CAPN13: variants seen among roughly 807,000 people sequenced by gnomAD.
CAPN13 encodes calpain 13.
CAPN13 carries 90 observed loss-of-function variants against 98.4 expected under a neutral mutation model. That is an observed-to-expected ratio of 0.92 (90% CI 0.77 to 1.09). The LOEUF (loss-of-function observed/expected upper bound fraction) is 1.09, where lower values mean the gene tolerates loss of function less well. CAPN13 is among the 50% of genes least tolerant of loss of function. CAPN13 has a pLI of 0.00. For missense variants in CAPN13, 887 were observed against 841.3 expected, an observed-to-expected ratio of 1.05 and a Z score of -0.67; for synonymous variants, 330 against 305.5, an observed-to-expected ratio of 1.08 and a Z score of -0.84.
chr2:30,777,441 G>T, intron 3 of CAPN13, 126 bp downstream of exon 3: 1 of 796,664 alleles, frequency 1.3e-6, no homozygotes, highest in Non-Finnish European at 2.1e-6. Context: ...GGCGTGAGCA[G>T]TTTGTCCACG....
intron 8 of CAPN13, among the ~76,000 whole-genome samples, chr2:30,755,085 C>A (rs191459670): frequency 1.3e-5 from 2 of 152,164 alleles, no homozygotes; most frequent in East Asian, 3.9e-4. Context: ...CTCTTGAATT[C>A]TACTCTCCAG....
At chr2:30,758,799 C>CCTCCCTCCCTCCCTCCCTTTCCTTA (rs1672614458) in intron 7 of CAPN13, among the ~76,000 whole-genome samples, 1 of 92,072 alleles carries the variant, frequency 1.1e-5, no homozygotes, top group Admixed American at 1.1e-4. Flanking sequence ...TCCTTTCCTT[C>CCTCCCTCCCTCCCTCCCTTTCCTTA]CTCCCTCCCT....
At chr2:30,802,876 G>A (rs1675372045) in intron 1 of CAPN13, among the ~76,000 whole-genome samples, 1 of 152,198 alleles carries the variant, frequency 6.6e-6, no homozygotes, top group African/African-American at 2.4e-5. Context: ...GAGCTGTGGG[G>A]AATCCCCACG....
Position 30,787,342 on chromosome 2 carries a change from C to T in CAPN13, c.-17G>A, listed in dbSNP as rs1389991850. 5 of 1,599,896 alleles carry T rather than the reference C, an allele frequency of 3.1e-6. No homozygotes were observed. Among genetic ancestry groups the T allele is most frequent in the South Asian group, 1.1e-5 (1 of 88,316 alleles). ...ATACGCCATGACTCTCCTTAGAAGA[C>T]TTCCGAGGTCCTTTCCTGTTGGTGA... On this transcript the variant is annotated 5_prime_UTR_variant, in exon 2 of 23. Transcript: ENST00000295055.
At chr2:30,796,701 A>G (rs1451977993) in intron 1 of CAPN13, among the ~76,000 whole-genome samples, 2 of 152,226 alleles carry the variant, frequency 1.3e-5, no homozygotes, top group Non-Finnish European at 2.9e-5. Context: ...TAAAAAGTTA[A>G]CTATGCAAGT....
chr2:30,724,440 T>C (rs959928935), intron 22 of CAPN13, among the ~76,000 whole-genome samples: 2 of 152,180 alleles, frequency 1.3e-5, no homozygotes, highest in Non-Finnish European at 2.9e-5. Context: ...CTCCAGCTCC[T>C]CTCGGAATGG....
At chr2:30,743,636 A>G in intron 12 of CAPN13, 57 bp from the exon 13 acceptor site, 2 of 1,524,072 alleles carry the variant, frequency 1.3e-6, no homozygotes, top group Non-Finnish European at 1.8e-6. Context: ...CATGGACCCC[A>G]GTCACCAAGA....
rs10207974 is a variant in CAPN13 at position 30,802,463 on chromosome 2, A to G, written c.-33+4839T>C. On this transcript the variant is annotated intron_variant, in intron 1 of 22. Transcript: ENST00000295055. ...AGGAGCTTAGAATGTGTGTGTGTGT[A>G]TGTGTGTGTGTGTGTGTGTGTGTGT... Among the ~76,000 whole-genome samples the G allele has an allele frequency of 4.9e-4, 69 of 140,198 alleles. 1 individual carries two copies. The highest frequency in any genetic ancestry group is 2.1e-3 in the South Asian group (9 of 4,238). 92.0% of individuals were successfully genotyped at this position (140,198 alleles called of 152,430 possible).
Position 30,782,267 on chromosome 2 carries a change from C to A in CAPN13, c.199-4628G>T, listed in dbSNP as rs545107032. Reference sequence around the variant, plus strand: ...CCACATCCTCACACGGCATGCCGCTCTTGGATAAGAGAGCCCTGTGTTTAG... The same window carrying A: ...CCACATCCTCACACGGCATGCCGCTATTGGATAAGAGAGCCCTGTGTTTAG... On this transcript the variant is annotated intron_variant, in intron 2 of 22. Transcript: ENST00000295055. 5.9e-5 allele frequency among the ~76,000 whole-genome samples: 9 copies of A among 152,322 alleles called. No individual in the cohort carries two copies. In the East Asian group the frequency reaches 1.7e-3, roughly 29 times the overall value.
intron 20 of CAPN13, among the ~76,000 whole-genome samples, chr2:30,732,231 C>A (rs572167176): frequency 2.0e-5 from 3 of 152,112 alleles, no homozygotes; most frequent in Non-Finnish European, 2.9e-5. Context: ...GAAAAGAGAC[C>A]TGCGATGGGG....
rs138389561 is a variant in CAPN13, at chr2:30,787,242, G to A, written c.84C>T (p.Cys28=). 1.5e-5 allele frequency: 24 copies of A among 1,612,862 alleles called. No homozygotes were observed. The highest frequency in any genetic ancestry group is 1.8e-5 in the Non-Finnish European group (21 of 1,179,576). Reference sequence around the variant, plus strand: ...CCTTAAACGTCCGGCCCATGCTCAGGCAGTGATCCCGCAAGGTGGTAAAGT... The same window carrying A: ...CCTTAAACGTCCGGCCCATGCTCAGACAGTGATCCCGCAAGGTGGTAAAGT... The part of the protein sequence containing the change: ...DQDFTTLRDH[C]LSMGRTFKDE... The change falls in exon 2 of 23, where the codon TGC becomes TGT. Residue 28 remains cysteine, a synonymous_variant. Transcript: ENST00000295055.
chr2:30,732,869 T>C (rs897185722), intron 19 of CAPN13, among the ~76,000 whole-genome samples: 9 of 152,198 alleles, frequency 5.9e-5, no homozygotes, highest in African/African-American at 2.2e-4. Flanking sequence ...TGGGGGTTGC[T>C]TCTAGCTCTG....
At chr2:30,764,337 G>A in intron 5 of CAPN13, 31 bp from the exon 6 acceptor site, 1 of 1,607,340 alleles carries the variant, frequency 6.2e-7, no homozygotes, top group Non-Finnish European at 8.5e-7. Flanking sequence ...AACCATCGTG[G>A]TGCCTTTGGT....
At chr2:30,800,716 A>C (rs190430130) in intron 1 of CAPN13, among the ~76,000 whole-genome samples, 2 of 152,312 alleles carry the variant, frequency 1.3e-5, no homozygotes, top group Admixed American at 1.3e-4. Flanking sequence ...AGAATGTATT[A>C]TTTCTTTCAA....
chr2:30,724,992 C>A (rs537224871), intron 22 of CAPN13, among the ~76,000 whole-genome samples: 2 of 152,218 alleles, frequency 1.3e-5, no homozygotes, highest in South Asian at 2.1e-4. Context: ...GCCCTTTCCT[C>A]AAGAAACTGT....
At chr2:30,761,994 T>C (rs943375466) in intron 7 of CAPN13, among the ~76,000 whole-genome samples, 3 of 152,202 alleles carry the variant, frequency 2.0e-5, no homozygotes, top group African/African-American at 7.2e-5. Context: ...GTTTGGAACT[T>C]GGTCTCTCAG....
At chr2:30,770,490 A>G in intron 4 of CAPN13, 41 bp from the exon 5 acceptor site, 3 of 1,601,952 alleles carry the variant, frequency 1.9e-6, no homozygotes, top group Non-Finnish European at 2.6e-6. Context: ...GAGTTGAGGC[A>G]GAAGGGAGCT....
intron 2 of CAPN13, among the ~76,000 whole-genome samples, chr2:30,784,485 T>C (rs1400063549): frequency 6.6e-6 from 1 of 152,242 alleles, no homozygotes; most frequent in Non-Finnish European, 1.5e-5. Context: ...TAATCATATG[T>C]GGTACAGGTG....
chr2:30,736,699 G>T (rs929949268), intron 17 of CAPN13, 128 bp from the exon 18 acceptor site: 23 of 798,940 alleles, frequency 2.9e-5, no homozygotes, highest in Non-Finnish European at 4.6e-5. Context: ...CCTGGATGTG[G>T]CCCCATGCCA....
Sources: gnomAD v4.1 joint callset for allele counts (sites outside exome capture counted in the v4.1 genomes callset) on GRCh38, gnomAD v4.1.1 for gene constraint, MANE v1.5 for transcripts, NCBI Gene and HGNC (gene_info 2026-07-23, HGNC 2026-07-21) for gene names.